GALNT12: variants seen among roughly 807,000 people sequenced by gnomAD.
GALNT12 encodes polypeptide N-acetylgalactosaminyltransferase 12, also known as UDP-GalNAc:polypeptide N-acetylgalactosaminyltransferase 12.
A neutral mutation model predicts 55.5 loss-of-function variants in GALNT12; 45 were observed. That is an observed-to-expected ratio of 0.81 (90% CI 0.64 to 1.04). The LOEUF (loss-of-function observed/expected upper bound fraction) is 1.04, where lower values mean the gene tolerates loss of function less well. GALNT12 is among the 50% of genes least tolerant of loss of function. GALNT12 has a pLI of 0.00. For synonymous variants in GALNT12, 304 were observed against 312.2 expected, an observed-to-expected ratio of 0.97 and a Z score of 0.28; for missense variants, 709 against 754.8, an observed-to-expected ratio of 0.94 and a Z score of 0.71.
intron 1 of GALNT12, 88 bp from the exon 2 acceptor site, chr9:98,823,168 G>A: frequency 8.2e-7 from 1 of 1,226,458 alleles, no homozygotes; most frequent in South Asian, 1.2e-5. Context: ...TTCCGCAGGG[G>A]ACCATGACCT....
At chr9:98,843,518 C>T (rs148274886) in intron 7 of GALNT12, among the ~76,000 whole-genome samples, 4 of 151,950 alleles carry the variant, frequency 2.6e-5, no homozygotes, top group South Asian at 2.1e-4. Context: ...GTGATTCTCC[C>T]GCCTCAGTCT....
chr9:98,825,367 T>C (rs1198649987), intron 2 of GALNT12, among the ~76,000 whole-genome samples: 1 of 152,210 alleles, frequency 6.6e-6, no homozygotes, highest in East Asian at 1.9e-4. Flanking sequence ...TCCCTTCCTG[T>C]CATTGTGGGA....
At chr9:98,808,173 G>A in intron 1 of GALNT12, 104 bp downstream of exon 1, 1 of 859,072 alleles carries the variant, frequency 1.2e-6, no homozygotes, top group Non-Finnish European at 1.8e-6. Flanking sequence ...CCAGGATGGC[G>A]CGTCTTATTG....
Position 98,849,723 on chromosome 9 carries a change from A to T in GALNT12, c.*631A>T. 1 of 399,304 alleles carries T rather than the reference A, an allele frequency of 2.5e-6. No homozygotes were observed. Among genetic ancestry groups the T allele is most frequent in the Admixed American group, 4.3e-5 (1 of 23,376 alleles). 24.7% of individuals were successfully genotyped at this position (399,304 alleles called of 1,614,324 possible). On this transcript the variant is annotated 3_prime_UTR_variant, in exon 10 of 10. Coordinates refer to ENST00000375011, the MANE Select transcript of GALNT12 (RefSeq NM_024642.5). ...CCAAAGAGGACTAACCAAAGCTGAA[A>T]TCTCAGAGAACAATTTGCTTTACTA...
chr9:98,846,018 C>T lies in GALNT12; in HGVS notation c.1500C>T (p.Thr500=), dbSNP rs377188258. 7.4e-6 allele frequency: 12 copies of T among 1,614,134 alleles called. No homozygotes were observed. The African/African-American group carries it at 1.5e-4, about 20-fold the overall frequency. Residue 500 remains threonine (T), a synonymous_variant, in exon 9 of 10, where the codon ACC becomes ACT. Coordinates refer to ENST00000375011, the MANE Select transcript of GALNT12 (RefSeq NM_024642.5). ...CCCAGAAAGAAATACGCTATAACAC[C>T]CACCAGCCTGAGGGCTGCATTGCTG... ...YTSQKEIRYN[T]HQPEGCIAVE... is the part of the protein sequence containing the mutation.
At chr9:98,847,838 C>T (rs1196438783) in intron 9 of GALNT12, among the ~76,000 whole-genome samples, 3 of 122,562 alleles carry the variant, frequency 2.4e-5, no homozygotes, top group Non-Finnish European at 3.2e-5. Flanking sequence ...TTTTTTGAGA[C>T]GGAGCCTTGC....
intron 9 of GALNT12, chr9:98,848,699 G>C (rs1335827648): frequency 1.8e-6 from 1 of 545,752 alleles, no homozygotes; most frequent in East Asian, 3.2e-5. Flanking sequence ...GGGAGATGTA[G>C]GGTATGACAC....
At chr9:98,821,357 C>A (rs1447769888) in intron 1 of GALNT12, among the ~76,000 whole-genome samples, 2 of 151,960 alleles carry the variant, frequency 1.3e-5, no homozygotes, top group Non-Finnish European at 2.9e-5. Context: ...CGCGGTGGCT[C>A]ACACCTGTAA....
chr9:98,834,802 TCTC>T (rs1272356388), intron 4 of GALNT12, among the ~76,000 whole-genome samples: 2 of 152,166 alleles, frequency 1.3e-5, no homozygotes, highest in African/African-American at 4.8e-5. Context: ...GCTTCTCTCT[TCTC>T]CTTGCTCTCT....
intron 3 of GALNT12, among the ~76,000 whole-genome samples, chr9:98,829,954 C>T (rs780531335): frequency 3.3e-5 from 5 of 152,184 alleles, no homozygotes; most frequent in South Asian, 2.1e-4. Context: ...GATATATTTT[C>T]GATACACTGA....
rs185680099 is a variant in GALNT12 at position 98,833,826 on chromosome 9, T to A, written c.918-1423T>A. ...CCTGTCATGAATTCATGGGGGTCCA[T>A]GAATTCTAATTGCCCCGTTACCCCA... On this transcript the variant is annotated intron_variant, in intron 4 of 9. Transcript: ENST00000375011. Among the ~76,000 whole-genome samples the A allele has an allele frequency of 6.4e-3, 981 of 152,222 alleles. 9 individuals carry two copies. The highest frequency in any genetic ancestry group is 0.014 in the South Asian group (68 of 4,822).
At chr9:98,810,943 A>G (rs1367332382) in intron 1 of GALNT12, among the ~76,000 whole-genome samples, 2 of 152,218 alleles carry the variant, frequency 1.3e-5, no homozygotes, top group African/African-American at 4.8e-5. Context: ...GTATAGTATG[A>G]CTAGCATCTC....
In GALNT12 at chr9:98,842,744, A is replaced by G. The variant is rs192820527; in HGVS notation, c.1345-1352A>G. ...TATGCGTTGTCATTGCCTCCAGACC[A>G]TGCAGTTTAACAGAAATATAATGAG... is the stretch of plus-strand genomic sequence containing the variant. On this transcript the variant is annotated intron_variant, in intron 7 of 9. Transcript: ENST00000375011. 1.9e-3 allele frequency among the ~76,000 whole-genome samples: 286 copies of G among 152,270 alleles called. 2 individuals are homozygous for G. The highest frequency in any genetic ancestry group is 6.6e-3 in the African/African-American group (274 of 41,564).
chr9:98,813,559 G>A (rs1233503135), intron 1 of GALNT12, among the ~76,000 whole-genome samples: 1 of 150,932 alleles, frequency 6.6e-6, no homozygotes, highest in Non-Finnish European at 1.5e-5. Context: ...GTGCAATGGT[G>A]CGATCTCAGC....
chr9:98,829,156 TC>T (rs1835933347), intron 3 of GALNT12, among the ~76,000 whole-genome samples: 1 of 87,856 alleles, frequency 1.1e-5, no homozygotes, highest in Non-Finnish European at 2.5e-5. Flanking sequence ...ATTTTTTTTA[TC>T]TATCTATCTA....
chr9:98,838,166 AC>A (rs771601403), intron 6 of GALNT12, among the ~76,000 whole-genome samples: 5 of 152,064 alleles, frequency 3.3e-5, no homozygotes, highest in Non-Finnish European at 7.4e-5. Flanking sequence ...TCTTGTTAGC[AC>A]CCTGGAAGCT....
chr9:98,823,143 G>A, intron 1 of GALNT12, 113 bp from the exon 2 acceptor site: 1 of 976,210 alleles, frequency 1.0e-6, no homozygotes, highest in Non-Finnish European at 1.6e-6. Flanking sequence ...AGATCCTTCA[G>A]TGGATTATGT....
At chr9:98,835,951 A>T (rs1227764598) in intron 5 of GALNT12, among the ~76,000 whole-genome samples, 1 of 152,018 alleles carries the variant, frequency 6.6e-6, no homozygotes, top group African/African-American at 2.4e-5. Context: ...ATCCAGGCTG[A>T]TCTCAAACTC....
intron 6 of GALNT12, 53 bp downstream of exon 6, chr9:98,837,201 G>T (rs1836176715): frequency 6.4e-7 from 1 of 1,553,816 alleles, no homozygotes; most frequent in African/African-American, 1.4e-5. Context: ...AACAACAGCA[G>T]CTAATCGTGG....
Sources: gnomAD v4.1 joint callset for allele counts (sites outside exome capture counted in the v4.1 genomes callset) on GRCh38, gnomAD v4.1.1 for gene constraint, MANE v1.5 for transcripts, NCBI Gene and HGNC (gene_info 2026-07-23, HGNC 2026-07-21) for gene names.